Variants in B3GALT1 observed in about 807,000 individuals in gnomAD.
B3GALT1 encodes beta-1,3-galactosyltransferase 1.
B3GALT1 carries 10 observed loss-of-function variants against 23.2 expected under a neutral mutation model. That is an observed-to-expected ratio of 0.43 (90% CI 0.27 to 0.73). The LOEUF (loss-of-function observed/expected upper bound fraction) is 0.73, where lower values mean the gene tolerates loss of function less well. Ranked by LOEUF, B3GALT1 falls within the 30% of genes least tolerant of loss-of-function variation. The pLI, the probability that B3GALT1 is intolerant of heterozygous loss-of-function variation, is 0.21. For missense variants in B3GALT1, 299 were observed against 405.4 expected, an observed-to-expected ratio of 0.74 and a Z score of 2.25; for synonymous variants, 156 against 141.5, an observed-to-expected ratio of 1.10 and a Z score of -0.73.
At position 167,770,856 on chromosome 2, in the gene B3GALT1, A is replaced by G. The variant is rs370403735; in HGVS notation, c.-351-47816A>G. On this transcript the variant is annotated intron_variant, in intron 3 of 4. Coordinates refer to ENST00000392690, the MANE Select transcript of B3GALT1 (RefSeq NM_020981.4). ...TGTCAGGGAAATTTTTAAATGCCCA[A>G]TTAGATTTTTATTTCAGTGAAGGCA... 2.5e-4 allele frequency among the ~76,000 whole-genome samples: 38 copies of G among 152,316 alleles called. No homozygotes were observed. In the East Asian group the frequency reaches 3.5e-3, roughly 14 times the overall value.
intron 2 of B3GALT1, among the ~76,000 whole-genome samples, chr2:167,515,585 G>C (rs1700088788): frequency 6.6e-6 from 1 of 151,996 alleles, no homozygotes; most frequent in Non-Finnish European, 1.5e-5. Context: ...CTAGTATTTT[G>C]TCTTTATACT....
chr2:167,311,675 A>G (rs960805366), intron 1 of B3GALT1, among the ~76,000 whole-genome samples: 27 of 152,030 alleles, frequency 1.8e-4, no homozygotes, highest in African/African-American at 5.6e-4. Flanking sequence ...AAAGAATCAT[A>G]TTAAGATTAT....
chr2:167,452,164 C>A (rs967393892), intron 1 of B3GALT1, among the ~76,000 whole-genome samples: 1 of 152,148 alleles, frequency 6.6e-6, no homozygotes, highest in South Asian at 2.1e-4. Flanking sequence ...GCCATGGCTT[C>A]TGTGCTGTGT....
intron 3 of B3GALT1, among the ~76,000 whole-genome samples, chr2:167,798,004 C>T (rs144860645): frequency 2.0e-5 from 3 of 151,944 alleles, no homozygotes; most frequent in African/African-American, 7.2e-5. Flanking sequence ...ATGCCCGGCC[C>T]CTCATTGTGG....
At chr2:167,789,608 T>C (rs946541104) in intron 3 of B3GALT1, among the ~76,000 whole-genome samples, 1 of 148,984 alleles carries the variant, frequency 6.7e-6, no homozygotes, top group Non-Finnish European at 1.5e-5. Context: ...AACTGCTGTG[T>C]TCATTATTGA....
At chr2:167,470,259 C>A (rs1399094681) in intron 1 of B3GALT1, among the ~76,000 whole-genome samples, 1 of 152,168 alleles carries the variant, frequency 6.6e-6, no homozygotes, top group African/African-American at 2.4e-5. Flanking sequence ...TCCCAGTAAT[C>A]ATTTTCTACT....
chr2:167,410,369 T>C (rs557492103), intron 1 of B3GALT1, among the ~76,000 whole-genome samples: 3 of 151,822 alleles, frequency 2.0e-5, no homozygotes, highest in South Asian at 4.2e-4. Flanking sequence ...CAGACGCCTG[T>C]AGTCACAGCT....
At chr2:167,389,305 G>A (rs1697979233) in intron 1 of B3GALT1, among the ~76,000 whole-genome samples, 1 of 152,204 alleles carries the variant, frequency 6.6e-6, no homozygotes, top group African/African-American at 2.4e-5. Flanking sequence ...ATAGACATCA[G>A]TAGGTTCATT....
intron 2 of B3GALT1, among the ~76,000 whole-genome samples, chr2:167,604,884 G>A (rs1019260802): frequency 6.6e-6 from 1 of 152,156 alleles, no homozygotes; most frequent in African/African-American, 2.4e-5. Context: ...GCCTTTCAGG[G>A]CTACACCCTT....
intron 3 of B3GALT1, among the ~76,000 whole-genome samples, chr2:167,768,210 G>A (rs868827780): frequency 3.3e-5 from 5 of 152,298 alleles, no homozygotes; most frequent in African/African-American, 1.2e-4. Context: ...CCTTGGTCCA[G>A]TCAAGTGGAC....
chr2:167,495,496 G>T (rs1394030260), intron 2 of B3GALT1, among the ~76,000 whole-genome samples: 1 of 151,860 alleles, frequency 6.6e-6, no homozygotes, highest in Non-Finnish European at 1.5e-5. Context: ...ACCACGCCAG[G>T]GTAATTTTGT....
chr2:167,486,016 A>T (rs926267615), intron 1 of B3GALT1, among the ~76,000 whole-genome samples: 1 of 152,180 alleles, frequency 6.6e-6, no homozygotes, highest in Non-Finnish European at 1.5e-5. Flanking sequence ...CTGTACCACA[A>T]TTATGTATCT....
intron 1 of B3GALT1, among the ~76,000 whole-genome samples, chr2:167,458,432 T>C (rs1699204746): frequency 6.6e-6 from 1 of 152,238 alleles, no homozygotes; most frequent in Non-Finnish European, 1.5e-5. Flanking sequence ...TGTACAAATA[T>C]CTCTTTGAGG....
chr2:167,743,428 T>G (rs1687605555), intron 3 of B3GALT1, among the ~76,000 whole-genome samples: 1 of 152,112 alleles, frequency 6.6e-6, no homozygotes, highest in African/African-American at 2.4e-5. Flanking sequence ...AACAATAGAA[T>G]ATTTATCATT....
chr2:167,295,279 A>G (rs1696330936), intron 1 of B3GALT1, among the ~76,000 whole-genome samples: 1 of 152,164 alleles, frequency 6.6e-6, no homozygotes, highest in Admixed American at 6.5e-5. Flanking sequence ...GTCTGGCTTA[A>G]AAGTGTGGTT....
At chr2:167,718,585 T>G (rs978668565) in intron 3 of B3GALT1, among the ~76,000 whole-genome samples, 4 of 152,224 alleles carry the variant, frequency 2.6e-5, no homozygotes, top group African/African-American at 9.7e-5. Flanking sequence ...TTAATAAATT[T>G]TAAATTATTT....
At chr2:167,663,114 C>A (rs1425056240) in intron 3 of B3GALT1, among the ~76,000 whole-genome samples, 1 of 113,194 alleles carries the variant, frequency 8.8e-6, no homozygotes, top group Admixed American at 1.1e-4. Flanking sequence ...CCCCCCTCCC[C>A]CCACCCCACA....
rs185305763 is a variant in B3GALT1, at chr2:167,522,768, T to G, written c.-410+32491T>G. ...CCTTCCCAAGTCCAAAATAAAATGG[T>G]TTTCCTTAAATTGATATTAATATGA... On this transcript the variant is annotated intron_variant, in intron 2 of 4. Coordinates refer to ENST00000392690, the MANE Select transcript of B3GALT1 (RefSeq NM_020981.4). 3.2e-3 allele frequency among the ~76,000 whole-genome samples: 482 copies of G among 152,294 alleles called. 2 individuals carry two copies. The highest frequency in any genetic ancestry group is 2.3e-3 in the Non-Finnish European group (159 of 68,024).
chr2:167,793,731 C>T (rs1054183269), intron 3 of B3GALT1, among the ~76,000 whole-genome samples: 1 of 152,100 alleles, frequency 6.6e-6, no homozygotes, highest in Admixed American at 6.5e-5. Flanking sequence ...AAATTCAGCC[C>T]CCTAACCTAA....
Sources: gnomAD v4.1 joint callset for allele counts (sites outside exome capture counted in the v4.1 genomes callset) on GRCh38, gnomAD v4.1.1 for gene constraint, MANE v1.5 for transcripts, NCBI Gene and HGNC (gene_info 2026-07-23, HGNC 2026-07-21) for gene names.